Variants in SHLD1 observed in about 807,000 individuals in gnomAD.
SHLD1 encodes RINN1-REV7-interacting novel NHEJ regulator 3.
A neutral mutation model predicts 5.5 loss-of-function variants in SHLD1; 3 were observed. The ratio of observed to expected loss-of-function variants is 0.54; its 90% confidence interval spans 0.25 to 1.40. SHLD1 has a LOEUF of 1.40. Ranked by LOEUF, SHLD1 falls within the 40% of genes most tolerant of loss-of-function variation. The probability of loss-of-function intolerance (pLI) is 0.15; values close to 1 mark genes in which losing one functional copy is unlikely to be tolerated. For missense variants in SHLD1, 210 were observed against 244.4 expected, an observed-to-expected ratio of 0.86 and a Z score of 0.94; for synonymous variants, 92 against 94.3, an observed-to-expected ratio of 0.98 and a Z score of 0.14.
At chr20:5,836,707 G>T (rs1181401196) in intron 2 of SHLD1, among the ~76,000 whole-genome samples, 1 of 126,556 alleles carries the variant, frequency 7.9e-6, no homozygotes, top group Non-Finnish European at 1.6e-5. Flanking sequence ...GACGTGGGAG[G>T]ATCCCTCTCT....
intron 2 of SHLD1, among the ~76,000 whole-genome samples, chr20:5,839,026 G>C (rs2087823682): frequency 2.0e-5 from 3 of 152,190 alleles, no homozygotes; most frequent in Non-Finnish European, 4.4e-5. Flanking sequence ...CATGGAGATA[G>C]ATTGGACTGT....
chr20:5,757,400 T>C (rs970460482), intron 1 of SHLD1, among the ~76,000 whole-genome samples: 1 of 152,026 alleles, frequency 6.6e-6, no homozygotes, highest in Non-Finnish European at 1.5e-5. Flanking sequence ...TTTTTTTACT[T>C]AGCAACCTAC....
chr20:5,797,991 C>T (rs955274638), intron 2 of SHLD1, among the ~76,000 whole-genome samples: 1 of 152,194 alleles, frequency 6.6e-6, no homozygotes, highest in Non-Finnish European at 1.5e-5. Context: ...GAACAACAAC[C>T]ATTATGTTCT....
intron 2 of SHLD1, among the ~76,000 whole-genome samples, chr20:5,780,500 C>T (rs7269182): frequency 0.016 from 2,452 of 152,176 alleles, 67 homozygotes; most frequent in African/African-American, 0.055. Flanking sequence ...TCCCAGCTTC[C>T]AGGTTGGAGT....
At chr20:5,790,564 C>T (rs1010108808) in intron 2 of SHLD1, among the ~76,000 whole-genome samples, 13 of 151,316 alleles carry the variant, frequency 8.6e-5, no homozygotes, top group Non-Finnish European at 1.3e-4. Flanking sequence ...GCTATTCTCC[C>T]GCCTCAGCCT....
At chr20:5,811,699 T>A (rs1340923517) in intron 2 of SHLD1, among the ~76,000 whole-genome samples, 3 of 151,652 alleles carry the variant, frequency 2.0e-5, no homozygotes, top group Non-Finnish European at 4.4e-5. Flanking sequence ...TACAAAAAAA[T>A]TTAAAAATTA....
At chr20:5,753,459 C>A (rs1469304494) in intron 1 of SHLD1, among the ~76,000 whole-genome samples, 2 of 152,120 alleles carry the variant, frequency 1.3e-5, no homozygotes, top group African/African-American at 4.8e-5. Context: ...GTTAGGGAGT[C>A]CTTGGTAAAG....
At chr20:5,753,699 T>C (rs1983894126) in intron 1 of SHLD1, among the ~76,000 whole-genome samples, 1 of 152,156 alleles carries the variant, frequency 6.6e-6, no homozygotes, top group Non-Finnish European at 1.5e-5. Flanking sequence ...AGGTTAAATC[T>C]CTATTTGTAT....
chr20:5,829,525 C>T (rs1466467615), intron 2 of SHLD1, among the ~76,000 whole-genome samples: 3 of 152,150 alleles, frequency 2.0e-5, no homozygotes, highest in Non-Finnish European at 4.4e-5. Flanking sequence ...TAAAGGAAAA[C>T]CTGCAAAAAA....
chr20:5,811,563 G>A (rs1429182934), intron 2 of SHLD1, among the ~76,000 whole-genome samples: 6 of 152,170 alleles, frequency 3.9e-5, no homozygotes, highest in Non-Finnish European at 8.8e-5. Flanking sequence ...TTTTCAAGCT[G>A]GAGACCTGAG....
At chr20:5,813,196 C>G (rs774394148) in intron 2 of SHLD1, among the ~76,000 whole-genome samples, 25 of 151,272 alleles carry the variant, frequency 1.7e-4, no homozygotes, top group Non-Finnish European at 3.4e-4. Context: ...TTTTTAAATT[C>G]TAGTTCTTTG....
rs2087382632 is a variant in SHLD1 at position 5,806,805 on chromosome 20, A to C, written c.178+33762A>C. Among the ~76,000 whole-genome samples the C allele has an allele frequency of 6.6e-6, 1 of 152,196 alleles. No individual in the cohort carries two copies. Among genetic ancestry groups the C allele is most frequent in the South Asian group, 2.1e-4 (1 of 4,830 alleles). ...CCTGTGTTGTTGTTTCTCCGCACCCAAGGGATGTGAACAGAGTGGTGGCAG... is the reference window on the plus strand; with the variant it reads ...CCTGTGTTGTTGTTTCTCCGCACCCCAGGGATGTGAACAGAGTGGTGGCAG... On this transcript the variant is annotated intron_variant, in intron 2 of 2. Transcript: ENST00000303142. This position sits in a 1 kb window ranked among gnomAD's most constrained non-coding sequence, Gnocchi z 7.6.
intron 2 of SHLD1, among the ~76,000 whole-genome samples, chr20:5,824,651 C>G (rs370342768): frequency 2.0e-5 from 3 of 149,144 alleles, no homozygotes; most frequent in East Asian, 2.0e-4. Context: ...TGGGACAAAC[C>G]TGGCTCCCAA....
At position 5,793,034 on chromosome 20, in the gene SHLD1, C is replaced by T. The variant is rs577459199; in HGVS notation, c.178+19991C>T. ...TTCCCCTCACCATTTGTTGGAGAGA[C>T]CTTCTTTTCCCTATTGAGTAGTCTT... On this transcript the variant is annotated intron_variant, in intron 2 of 2. Transcript: ENST00000303142. Among the ~76,000 whole-genome samples the T allele has an allele frequency of 1.1e-4, 16 of 152,244 alleles. No homozygotes were observed. In the South Asian group the frequency reaches 3.3e-3, roughly 32 times the overall value.
At chr20:5,770,711 T>G (rs1985107431) in intron 1 of SHLD1, among the ~76,000 whole-genome samples, 1 of 152,216 alleles carries the variant, frequency 6.6e-6, no homozygotes, top group Non-Finnish European at 1.5e-5. Flanking sequence ...TTTCCAGCAC[T>G]ACATTATTTC....
chr20:5,788,939 T>C (rs1307600437), intron 2 of SHLD1, among the ~76,000 whole-genome samples: 1 of 151,882 alleles, frequency 6.6e-6, no homozygotes, highest in Non-Finnish European at 1.5e-5. Flanking sequence ...CGAGACCAGA[T>C]TGGCCACCAT....
rs764817100 is a variant in SHLD1, at chr20:5,812,089, TC to T, written c.178+39047del. ...TTTTTCTTTTTTTTTTCTTTTTTTT[TC>T]TTTTTTTTTTTGAGGACCCGACCTT... On this transcript the variant is annotated intron_variant, in intron 2 of 2. Coordinates refer to ENST00000303142, the MANE Select transcript of SHLD1 (RefSeq NM_152504.4). Among the ~76,000 whole-genome samples, 1,090 of 150,804 alleles carry T rather than the reference TC, an allele frequency of 7.2e-3. 11 individuals are homozygous for T. The highest frequency in any genetic ancestry group is 0.013 in the Non-Finnish European group (853 of 67,648).
intron 2 of SHLD1, among the ~76,000 whole-genome samples, chr20:5,835,769 A>G (rs1432810972): frequency 6.6e-6 from 1 of 152,180 alleles, no homozygotes; most frequent in Non-Finnish European, 1.5e-5. Flanking sequence ...TCTCTCAATA[A>G]CCATTTGGTA....
chr20:5,841,901 G>C (rs1333161966), intron 2 of SHLD1, among the ~76,000 whole-genome samples: 1 of 152,242 alleles, frequency 6.6e-6, no homozygotes, highest in Admixed American at 6.5e-5. Context: ...AGAGCAGCAC[G>C]CATGAGCTGA....
Sources: gnomAD v4.1 joint callset for allele counts (sites outside exome capture counted in the v4.1 genomes callset) on GRCh38, gnomAD v4.1.1 for gene constraint, Gnocchi (gnomAD v3.1) non-coding constraint, MANE v1.5 for transcripts, NCBI Gene and HGNC (gene_info 2026-07-23, HGNC 2026-07-21) for gene names.